SLC2A6: variants seen among roughly 807,000 people sequenced by gnomAD.
The protein encoded by SLC2A6 is solute carrier family 2, facilitated glucose transporter member 6.
Under a neutral mutation model 47.8 loss-of-function variants are expected in SLC2A6, and 39 were observed. The observed-to-expected ratio is 0.82, with a 90% confidence interval of 0.63 to 1.07. The LOEUF is 1.07. Ranked by LOEUF, SLC2A6 falls within the 50% of genes least tolerant of loss-of-function variation. SLC2A6 has a pLI of 0.00. For missense variants in SLC2A6, 650 were observed against 707.6 expected (o/e 0.92, Z 0.92); for synonymous variants, 346 against 324.1 (o/e 1.07, Z -0.73).
rs891995875 is a variant in SLC2A6 at position 133,475,042 on chromosome 9, C to T, written c.846G>A (p.Met282Ile). 2 of 1,600,222 alleles carry T rather than the reference C, an allele frequency of 1.2e-6. No individual in the cohort carries two copies. The highest frequency in any genetic ancestry group is 1.7e-5 in the Admixed American group (1 of 58,440). Reference sequence around the variant, plus strand: ...TGCCCGTCAGCTGCTGCAGGAGGCGCATCAGCAAGGCCACGGTGATGGGCC... The same window carrying T: ...TGCCCGTCAGCTGCTGCAGGAGGCGTATCAGCAAGGCCACGGTGATGGGCC... ...VCRPITVALL[M>I]RLLQQLTGIT... Residue 282 changes from methionine (M) to isoleucine (I), a missense_variant, in exon 6 of 10, where the codon ATG (methionine) becomes ATA (isoleucine). Transcript: ENST00000371899.
intron 6 of SLC2A6, among the ~76,000 whole-genome samples, chr9:133,474,442 G>C (rs782039836): frequency 6.6e-6 from 1 of 152,238 alleles, no homozygotes; most frequent in Admixed American, 6.5e-5. Context: ...AGGAAGTTGA[G>C]GTTCAGAGGG....
chr9:133,476,123 CCT>C, intron 4 of SLC2A6, 112 bp downstream of exon 4: 1 of 829,372 alleles, frequency 1.2e-6, no homozygotes, highest in Non-Finnish European at 1.9e-6. Context: ...AGATCTCTTG[CCT>C]CTCAGCCCAG....
rs1298261472 is a variant in SLC2A6 at position 133,474,043 on chromosome 9, A to C, written c.973T>G (p.Ser325Ala). 6.2e-7 allele frequency: 1 copy of C among 1,610,542 alleles called. No homozygotes were observed. Among genetic ancestry groups the C allele is most frequent in the Admixed American group, 1.7e-5 (1 of 59,864 alleles). ...ATGGTGAGGGCGGCGATCAGCACGG[A>C]CAGGAGCCGCACGGCCCCAACGATG... Reference protein sequence around the residue: ...AAIVGAVRLLSVLIAALTMDL... With the variant: ...AAIVGAVRLLAVLIAALTMDL... Residue 325 changes from serine to alanine, a missense_variant, in exon 7 of 10, where the codon TCC becomes GCC. Physicochemically the swap from Ser to Ala is moderately conservative, Grantham distance 99 (BLOSUM62 1). Transcript: ENST00000371899.
Position 133,475,063 on chromosome 9 carries a change from G to C in SLC2A6, c.825C>G (p.Pro275=), listed in dbSNP as rs1554802908. 1.9e-6 allele frequency: 3 copies of C among 1,601,294 alleles called. No individual in the cohort carries two copies. The highest frequency in any genetic ancestry group is 2.6e-6 in the Non-Finnish European group (3 of 1,175,962). Residue 275 remains proline, a synonymous_variant, in exon 6 of 10, where the codon CCC becomes CCG. Coordinates refer to ENST00000371899, the MANE Select transcript of SLC2A6 (RefSeq NM_017585.4). Reference sequence around the variant, plus strand: ...GGCGCATCAGCAAGGCCACGGTGATGGGCCGGCACACGTGTGGGGCCCGTG... The same window carrying C: ...GGCGCATCAGCAAGGCCACGGTGATCGGCCGGCACACGTGTGGGGCCCGTG... ...AEARAPHVCR[P]ITVALLMRLL... is the part of the protein sequence containing the mutation.
Position 133,472,954 on chromosome 9 carries a change from G to A in SLC2A6, c.1368+151C>T, listed in dbSNP as rs587623552. On this transcript the variant is annotated intron_variant, in intron 9 of 9. Transcript: ENST00000371899. ...TAGGCTATCACGTGACCACTCTGGGGTCTCTGAGTTCAGGGGGTGTGTGCT... is the reference window on the plus strand; with the variant it reads ...TAGGCTATCACGTGACCACTCTGGGATCTCTGAGTTCAGGGGGTGTGTGCT... 70 of 778,324 alleles carry A rather than the reference G, an allele frequency of 9.0e-5. No individual in the cohort carries two copies. In the African/African-American group the frequency reaches 1.1e-3, roughly 12 times the overall value. The allele number at this position is 778,324 out of a possible 1,614,324, so 48.2% of individuals were successfully genotyped here. A position where few individuals can be genotyped will look rare whatever the true frequency, so the allele number is the denominator to read the frequency against.
At chr9:133,472,863 G>A (rs1843783209) in intron 9 of SLC2A6, among the ~76,000 whole-genome samples, 1 of 152,174 alleles carries the variant, frequency 6.6e-6, no homozygotes, top group Non-Finnish European at 1.5e-5. Context: ...TGGCCCAGGA[G>A]GTAACCTGAC....
chr9:133,473,877 G>T, intron 7 of SLC2A6, 103 bp downstream of exon 7: 1 of 981,456 alleles, frequency 1.0e-6, no homozygotes. Context: ...GTGCTCTGCA[G>T]TTCCCAGCCA....
chr9:133,474,164 G>T, intron 6 of SLC2A6, 76 bp from the exon 7 acceptor site: 1 of 1,173,366 alleles, frequency 8.5e-7, no homozygotes, highest in Non-Finnish European at 1.2e-6. Flanking sequence ...GCTTGTCCCG[G>T]CAGGCATTGC....
rs587667925 is a variant in SLC2A6, at chr9:133,478,821, G to A, written c.92+147C>T. On this transcript the variant is annotated intron_variant, in intron 1 of 9. Transcript: ENST00000371899. ...AGGGGGACCAGTTCCTTAAATAGGA[G>A]TAGCGTGTCTGGGACAGGAGGGAGC... 9 of 673,158 alleles carry A rather than the reference G, an allele frequency of 1.3e-5. No individual in the cohort carries two copies. In the South Asian group the frequency reaches 1.7e-4, roughly 13 times the overall value. The allele number at this position is 673,158 out of a possible 1,614,324, so 41.7% of individuals were successfully genotyped here.
chr9:133,472,520 C>T (rs999959461), intron 9 of SLC2A6, among the ~76,000 whole-genome samples: 1 of 152,110 alleles, frequency 6.6e-6, no homozygotes, highest in Non-Finnish European at 1.5e-5. Flanking sequence ...CTGGTGGGCA[C>T]GCAGGTTCTT....
At chr9:133,472,821 CCCCTGGCAGGGTCCTGGGCCATGTCCTG>C (rs1236773530) in intron 9 of SLC2A6, among the ~76,000 whole-genome samples, 1 of 152,130 alleles carries the variant, frequency 6.6e-6, no homozygotes, top group East Asian at 1.9e-4. Context: ...GCTTCCGGGG[CCCCTGGCAGGGTCCTGGGCCATGTCCTG>C]CCCTGGCCCA....
chr9:133,473,186 G>A lies in SLC2A6; in HGVS notation c.1287C>T (p.Ala429=), dbSNP rs1554802165. Residue 429 remains alanine, a synonymous_variant, in exon 9 of 10, where the codon GCC becomes GCT. Coordinates refer to ENST00000371899, the MANE Select transcript of SLC2A6 (RefSeq NM_017585.4). ...LLMSEVLPLR[A]RGVASGLCVL... ...CGCAGAGCCCTGAGGCCACGCCACG[G>A]GCACGCAGGGGCAGGACCTCAGACA... 6.2e-7 allele frequency: 1 copy of A among 1,607,136 alleles called. No homozygotes were observed. Among genetic ancestry groups the A allele is most frequent in the African/African-American group, 1.3e-5 (1 of 74,954 alleles).
chr9:133,474,008 T>G lies in SLC2A6; in HGVS notation c.1008A>C (p.Ala336=), dbSNP rs782603686. The stretch of plus-strand genomic sequence containing the variant: ...AGACGAAGAGCAGCACCTTGCGGCC[T>G]GCGAGGTCCATGGTGAGGGCGGCGA... ...VLIAALTMDL[A]GRKVLLFVSA... is the part of the protein sequence containing the mutation. Residue 336 remains alanine (A), a synonymous_variant, in exon 7 of 10, where the codon GCA becomes GCC. Transcript: ENST00000371899. 62 of 1,610,456 alleles carry G rather than the reference T, an allele frequency of 3.8e-5. No individual in the cohort carries two copies. The highest frequency in any genetic ancestry group is 5.2e-5 in the Non-Finnish European group (61 of 1,178,692).
At chr9:133,474,112 C>A in intron 6 of SLC2A6, 24 bp from the exon 7 acceptor site, 1 of 1,549,932 alleles carries the variant, frequency 6.5e-7, no homozygotes, top group Admixed American at 1.9e-5. Context: ...ACCACCAGGG[C>A]TGAGGGACCT....
At chr9:133,473,370 T>C in intron 8 of SLC2A6, 45 bp downstream of exon 8, 1 of 1,547,188 alleles carries the variant, frequency 6.5e-7, no homozygotes, top group Non-Finnish European at 8.7e-7. Flanking sequence ...ACCCATCCCT[T>C]AACACCCAAG....
chr9:133,474,029 G>A lies in SLC2A6; in HGVS notation c.987C>T (p.Ala329=), dbSNP rs146306595. Residue 329 remains alanine, a synonymous_variant, in exon 7 of 10, where the codon GCC becomes GCT. Transcript: ENST00000371899. ...GGCCTGCGAGGTCCATGGTGAGGGC[G>A]GCGATCAGCACGGACAGGAGCCGCA... is the stretch of plus-strand genomic sequence containing the variant. ...GAVRLLSVLI[A]ALTMDLAGRK... is the part of the protein sequence containing the mutation. 2.6e-4 allele frequency: 412 copies of A among 1,611,116 alleles called. No individual in the cohort carries two copies. The highest frequency in any genetic ancestry group is 1.6e-3 in the African/African-American group (123 of 75,038).
rs117706705 is a variant in SLC2A6 at position 133,472,618 on chromosome 9, C to T, written c.1369-442G>A. On this transcript the variant is annotated intron_variant, in intron 9 of 9. Coordinates refer to ENST00000371899, the MANE Select transcript of SLC2A6 (RefSeq NM_017585.4). ...CTGACCACTGCAGGGACAGCTTAGG[C>T]GCTGGCCTAGGCTGCCCTAGCCAGC... Among the ~76,000 whole-genome samples, 592 of 152,276 alleles carry T rather than the reference C, an allele frequency of 3.9e-3. 31 individuals carry two copies. The East Asian group carries it at 0.092, about 24-fold the overall frequency.
At chr9:133,472,926 T>G (rs78018056) in intron 9 of SLC2A6, among the ~76,000 whole-genome samples, 179 bp downstream of exon 9, 2,134 of 152,266 alleles carry the variant, frequency 0.014, 43 homozygotes, top group African/African-American at 0.049. Flanking sequence ...GAAGAGCGTT[T>G]GCTAGGCTAT....
chr9:133,476,363 T>A (rs782224982), intron 3 of SLC2A6, 27 bp from the exon 4 acceptor site: 3 of 1,599,190 alleles, frequency 1.9e-6, no homozygotes, highest in Non-Finnish European at 2.6e-6. Flanking sequence ...CCGCACCAGG[T>A]TTTGCTGAAA....
Sources: gnomAD v4.1 joint callset for allele counts (sites outside exome capture counted in the v4.1 genomes callset) on GRCh38, gnomAD v4.1.1 for gene constraint, MANE v1.5 for transcripts, NCBI Gene and HGNC (gene_info 2026-07-23, HGNC 2026-07-21) for gene names.